The following SMG1 variants were observed in gnomAD, a reference collection of about 807,000 sequenced individuals.
The protein encoded by SMG1 is serine/threonine-protein kinase SMG1.
In SMG1, 22 loss-of-function variants were observed where a neutral mutation model predicts 419.9. That is an observed-to-expected ratio of 0.05 (90% CI 0.04 to 0.07). SMG1 has a LOEUF of 0.07. SMG1 is among the 10% of genes least tolerant of loss of function. SMG1 has a pLI of 1.00. For missense variants in SMG1, 3,185 were observed against 4,342.0 expected (o/e 0.73, Z 7.49); for synonymous variants, 1,538 against 1,553.5 (o/e 0.99, Z 0.23).
At chr16:18,855,625 A>G (rs2034854327) in intron 29 of SMG1, among the ~76,000 whole-genome samples, 1 of 152,168 alleles carries the variant, frequency 6.6e-6, no homozygotes, top group Non-Finnish European at 1.5e-5. Flanking sequence ...GCACAGGATG[A>G]GCCGGCTGCC....
Position 18,848,041 on chromosome 16 carries a change from G to A in SMG1, c.5624-8C>T. 1.3e-6 allele frequency: 2 copies of A among 1,599,772 alleles called. No homozygotes were observed. The highest frequency in any genetic ancestry group is 1.7e-6 in the Non-Finnish European group (2 of 1,167,426). ...CAGTGGAAAATTTATTTCCTGTAAT[G>A]AAATAGGAGAACAAGGAATATTTTG... On this transcript the variant is annotated splice_region_variant and splice_polypyrimidine_tract_variant and intron_variant, in intron 36 of 62. Coordinates refer to ENST00000446231, the MANE Select transcript of SMG1 (RefSeq NM_015092.5).
chr16:18,867,529 A>C (rs1246573821), intron 22 of SMG1, among the ~76,000 whole-genome samples: 1 of 51,862 alleles, frequency 1.9e-5, no homozygotes, highest in Non-Finnish European at 5.6e-5. Context: ...GTCTCAAAAA[A>C]TAAATAAATA....
intron 5 of SMG1, among the ~76,000 whole-genome samples, chr16:18,890,299 T>C (rs1373846285): frequency 1.3e-5 from 2 of 152,190 alleles, no homozygotes; most frequent in African/African-American, 4.8e-5. Context: ...TGCCATTCCA[T>C]AAGTCAAGAC....
intron 31 of SMG1, 106 bp from the exon 32 acceptor site, chr16:18,852,568 G>T: frequency 1.0e-6 from 1 of 978,740 alleles, no homozygotes; most frequent in Non-Finnish European, 1.4e-6. Context: ...TTATCTGCAA[G>T]CAATCAAAAG....
intron 9 of SMG1, among the ~76,000 whole-genome samples, chr16:18,883,726 C>T (rs1168038890): frequency 2.6e-5 from 4 of 152,100 alleles, no homozygotes; most frequent in Non-Finnish European, 4.4e-5. Flanking sequence ...TGAGACCAGC[C>T]TGGCCAACAT....
At chr16:18,821,448 C>A (rs1167053731) in intron 55 of SMG1, among the ~76,000 whole-genome samples, 1 of 23,966 alleles carries the variant, frequency 4.2e-5, no homozygotes, top group African/African-American at 1.4e-4. Flanking sequence ...TATTCCCCTT[C>A]CTGTGTCCAT....
At chr16:18,855,636 T>C (rs147501535) in intron 29 of SMG1, among the ~76,000 whole-genome samples, 44 of 152,336 alleles carry the variant, frequency 2.9e-4, no homozygotes, top group African/African-American at 1.0e-3. Flanking sequence ...GCCGGCTGCC[T>C]GTGAAAGTAC....
At chr16:18,875,080 T>C (rs1469746219) in intron 13 of SMG1, 1 of 152,328 alleles carries the variant, frequency 6.6e-6, no homozygotes, top group African/African-American at 2.4e-5. Flanking sequence ...AATTCACTTA[T>C]GTTTCATAGA....
chr16:18,863,780 T>C lies in SMG1; in HGVS notation c.3565A>G (p.Lys1189Glu), dbSNP rs1444367400. ...ATTGAGATGTAGCACTCACATGCTT[T>C]ATTTCCTAAATAATTTATAACCTCA... ...SPEVINYLGN[K>E]ACECYISIAD... is the part of the protein sequence containing the mutation. The change falls in exon 25 of 63, where the codon AAA becomes GAA. Residue 1189 changes from lysine (K) to glutamate (E), a missense_variant. Lys to Glu is a moderately conservative substitution (Grantham distance 56). Transcript: ENST00000446231. 6 of 1,584,170 alleles carry C rather than the reference T, an allele frequency of 3.8e-6. No individual in the cohort carries two copies. The African/African-American group carries it at 5.4e-5, about 14-fold the overall frequency.
At chr16:18,858,675 G>C (rs2035047677) in intron 28 of SMG1, 1 of 220,158 alleles carries the variant, frequency 4.5e-6, no homozygotes, top group Non-Finnish European at 8.9e-6. Flanking sequence ...CCCATCTCTG[G>C]TTGAACTTTA....
intron 25 of SMG1, among the ~76,000 whole-genome samples, chr16:18,861,787 A>G (rs1185853267): frequency 6.6e-6 from 1 of 151,872 alleles, no homozygotes; most frequent in Non-Finnish European, 1.5e-5. Flanking sequence ...GTCCTCAGAA[A>G]AACAAACAAA....
At chr16:18,851,375 C>T (rs1458232241) in intron 33 of SMG1, among the ~76,000 whole-genome samples, 1 of 152,036 alleles carries the variant, frequency 6.6e-6, no homozygotes, top group Admixed American at 6.6e-5. Context: ...ACATTAGCAT[C>T]ACCTAGTAAG....
Position 18,836,532 on chromosome 16 carries a change from C to G in SMG1, c.7605G>C (p.Arg2535Ser). The change falls in exon 47 of 63, where the codon AGG becomes AGC. Residue 2535 changes from arginine (R) to serine (S), a missense_variant and splice_region_variant. Transcript: ENST00000446231. ...VDHPSHTLQH[R>S]YSEHTQLQTQ... ...TCTGTAGTTGGGTGTGCTCAGAATA[C>G]CTAATCAGGGGGACACAAACAAAAT... 1 of 1,612,476 alleles carries G rather than the reference C, an allele frequency of 6.2e-7. No homozygotes were observed. The highest frequency in any genetic ancestry group is 8.5e-7 in the Non-Finnish European group (1 of 1,179,488).
chr16:18,869,015 A>G (rs2035669616), intron 20 of SMG1, 89 bp downstream of exon 20: 1 of 1,186,642 alleles, frequency 8.4e-7, no homozygotes, highest in South Asian at 1.3e-5. Context: ...AAAATCATAT[A>G]CTCTCAAATC....
At chr16:18,851,417 G>A (rs1030974210) in intron 33 of SMG1, among the ~76,000 whole-genome samples, 3 of 152,300 alleles carry the variant, frequency 2.0e-5, no homozygotes, top group East Asian at 1.9e-4. Flanking sequence ...ACGCGCACGC[G>A]CACACACGTC....
intron 47 of SMG1, 23 bp from the exon 48 acceptor site, chr16:18,836,235 A>T (rs2033562384): frequency 6.2e-7 from 1 of 1,603,926 alleles, no homozygotes; most frequent in African/African-American, 1.3e-5. Context: ...GACATTATTA[A>T]ACACAGTAAA....
chr16:18,900,062 C>T lies in SMG1; in HGVS notation c.93-3106G>A. ...AAGTCAATCTGTAAGACAGTAGTTACAATATTAGTGAAGACAGTGGGTTAA... is the reference window on the plus strand; with the variant it reads ...AAGTCAATCTGTAAGACAGTAGTTATAATATTAGTGAAGACAGTGGGTTAA... On this transcript the variant is annotated intron_variant, in intron 1 of 62. Coordinates refer to ENST00000446231, the MANE Select transcript of SMG1 (RefSeq NM_015092.5). 7.1e-6 allele frequency: 10 copies of T among 1,413,854 alleles called. No individual in the cohort carries two copies. In the South Asian group the frequency reaches 9.9e-5, roughly 14 times the overall value. The allele number at this position is 1,413,854 out of a possible 1,614,324, so 87.6% of individuals were successfully genotyped here.
chr16:18,846,314 C>G (rs1256513244), intron 38 of SMG1, among the ~76,000 whole-genome samples: 2 of 152,110 alleles, frequency 1.3e-5, no homozygotes, highest in Non-Finnish European at 2.9e-5. Flanking sequence ...TTCATGACCC[C>G]AGACTTGGCA....
intron 51 of SMG1, among the ~76,000 whole-genome samples, chr16:18,831,919 C>T (rs1248148405): frequency 2.0e-5 from 3 of 151,480 alleles, no homozygotes; most frequent in African/African-American, 7.3e-5. Context: ...GGAATTATTG[C>T]TACTTTTTTC....
Sources: allele counts gnomAD v4.1 joint callset (sites outside exome capture counted in the v4.1 genomes callset), GRCh38; gene constraint gnomAD v4.1.1; transcripts MANE v1.5; gene names NCBI Gene and HGNC (gene_info 2026-07-23, HGNC 2026-07-21).